Variants in JMJD1C observed in about 807,000 individuals in gnomAD.
JMJD1C encodes jumonji domain containing 1C.
Under a neutral mutation model 245.3 loss-of-function variants are expected in JMJD1C, and 31 were observed. The ratio of observed to expected loss-of-function variants is 0.13; its 90% CI spans 0.09 to 0.17. The LOEUF is 0.17. JMJD1C is among the 10% of genes least tolerant of loss of function. JMJD1C has a pLI of 1.00. For missense variants in JMJD1C, 2,691 were observed against 3,000.2 expected, an observed-to-expected ratio of 0.90 and a Z score of 2.41; for synonymous variants, 1,057 against 1,017.4, an observed-to-expected ratio of 1.04 and a Z score of -0.74.
At chr10:63,349,804 C>T (rs1944193315) in intron 2 of JMJD1C, among the ~76,000 whole-genome samples, 1 of 152,056 alleles carries the variant, frequency 6.6e-6, no homozygotes, top group Non-Finnish European at 1.5e-5. Context: ...AGATAAAATA[C>T]AGAATTGAGG....
At position 63,168,097 on chromosome 10, in the gene JMJD1C, A is replaced by G. The variant is rs1419423156; in HGVS notation, c.7571T>C (p.Val2524Ala). The change falls in exon 26 of 26, where the codon GTG becomes GCG. Residue 2524 changes from valine (V) to alanine (A), a missense_variant. By Grantham distance (64) the Val-to-Ala change is moderately conservative. Coordinates refer to ENST00000399262, the MANE Select transcript of JMJD1C (RefSeq NM_032776.3). ...ATCCTCGTGTATCTTCAAGGCTCTC[A>G]CCATTTCTTTGACTGCATGATACAA... ...NILYHAVKEM[V>A]RALKIHEDEV... 1 of 1,606,368 alleles carries G rather than the reference A, an allele frequency of 6.2e-7. No individual in the cohort carries two copies. The highest frequency in any genetic ancestry group is 1.3e-5 in the African/African-American group (1 of 74,766).
At chr10:63,192,036 C>T (rs567053145) in intron 16 of JMJD1C, among the ~76,000 whole-genome samples, 2 of 134,210 alleles carry the variant, frequency 1.5e-5, no homozygotes, top group East Asian at 4.3e-4. Flanking sequence ...AAAAAGAAGA[C>T]ATAGGTAAGT....
chr10:63,241,520 A>G (rs969320538), intron 3 of JMJD1C, among the ~76,000 whole-genome samples: 1 of 152,226 alleles, frequency 6.6e-6, no homozygotes, highest in African/African-American at 2.4e-5. Flanking sequence ...TTTCACTCCA[A>G]GCTTAATCAG....
chr10:63,436,215 T>C (rs1951052491), intron 1 of JMJD1C, among the ~76,000 whole-genome samples: 1 of 152,234 alleles, frequency 6.6e-6, no homozygotes, highest in South Asian at 2.1e-4. Context: ...GTTTCTGTTC[T>C]GTTTCACAAC....
At chr10:63,297,253 GA>G (rs1477366224) in intron 2 of JMJD1C, among the ~76,000 whole-genome samples, 2 of 152,310 alleles carry the variant, frequency 1.3e-5, no homozygotes, top group East Asian at 3.9e-4. Flanking sequence ...GAACTTCCTT[GA>G]TGCCTTTTGG....
rs891614883 is a variant in JMJD1C, at chr10:63,176,598, T to C, written c.7225-125A>G. ...TCTCAGAATCAATGGAACAACTGAA[T>C]GAGCTTCTTCAGTTAAAAAATAACA... On this transcript the variant is annotated intron_variant, in intron 23 of 25. Coordinates refer to ENST00000399262, the MANE Select transcript of JMJD1C (RefSeq NM_032776.3). 4.2e-6 allele frequency: 3 copies of C among 712,690 alleles called. No individual in the cohort carries two copies. The African/African-American group carries it at 5.4e-5, about 13-fold the overall frequency. The allele number at this position is 712,690 out of a possible 1,614,324, so 44.1% of individuals were successfully genotyped here. A position where few individuals can be genotyped will look rare whatever the true frequency, so the allele number is the denominator to read the frequency against.
At chr10:63,495,865 GTTCT>G (rs2133232852) in intron 1 of JMJD1C, among the ~76,000 whole-genome samples, 1 of 151,676 alleles carries the variant, frequency 6.6e-6, no homozygotes, top group South Asian at 2.1e-4. Flanking sequence ...CAGAGGAAAA[GTTCT>G]TTATTTCAAA....
chr10:63,435,854 G>A (rs777914635), intron 1 of JMJD1C, among the ~76,000 whole-genome samples: 1 of 152,162 alleles, frequency 6.6e-6, no homozygotes, highest in African/African-American at 2.4e-5. Context: ...AGCCAAGATC[G>A]CACCACTGCA....
chr10:63,243,901 C>A (rs971058115), intron 3 of JMJD1C, among the ~76,000 whole-genome samples: 4 of 152,102 alleles, frequency 2.6e-5, no homozygotes, highest in African/African-American at 9.7e-5. Flanking sequence ...ATCTGCAGTG[C>A]CCCTCCCAGC....
intron 1 of JMJD1C, among the ~76,000 whole-genome samples, chr10:63,514,943 C>T (rs920792184): frequency 1.3e-5 from 2 of 149,090 alleles, no homozygotes; most frequent in African/African-American, 4.9e-5. Context: ...CATAATAATA[C>T]TAAGTATTTT....
intron 1 of JMJD1C, among the ~76,000 whole-genome samples, chr10:63,453,004 G>A (rs975337247): frequency 1.3e-5 from 2 of 152,156 alleles, no homozygotes; most frequent in East Asian, 1.9e-4. Flanking sequence ...TGAGCTGTGC[G>A]TGGCTCACAC....
intron 2 of JMJD1C, chr10:63,268,687 T>C: frequency 3.1e-6 from 3 of 979,756 alleles, no homozygotes; most frequent in Non-Finnish European, 3.6e-6. Flanking sequence ...TTTTAAAGTA[T>C]CTTTAAATCT....
intron 4 of JMJD1C, among the ~76,000 whole-genome samples, chr10:63,219,224 C>T (rs4626960): frequency 0.99 from 150,047 of 152,318 alleles, 73,940 homozygotes; most frequent in Middle Eastern, 1. Context: ...TCTCTCTTGA[C>T]ACTTAATGGC....
At chr10:63,420,148 T>C (rs1589713407) in intron 1 of JMJD1C, among the ~76,000 whole-genome samples, 1 of 144,620 alleles carries the variant, frequency 6.9e-6, no homozygotes, top group Admixed American at 7.1e-5. Flanking sequence ...AAAAAAAAAA[T>C]CACCCCAGAC....
At chr10:63,380,249 T>TTTG (rs774550122) in intron 2 of JMJD1C, 69 bp downstream of exon 2, 13 of 1,533,400 alleles carry the variant, frequency 8.5e-6, no homozygotes, top group Admixed American at 8.4e-5. Flanking sequence ...TGGCCTTTGT[T>TTTG]TTGTTGTTGT....
At chr10:63,203,828 T>TG in intron 10 of JMJD1C, 1 of 960,388 alleles carries the variant, frequency 1.0e-6, no homozygotes, top group Non-Finnish European at 1.2e-6. Context: ...TATGTAATCA[T>TG]ATTACATAGT....
chr10:63,422,011 A>G (rs1172866766), intron 1 of JMJD1C, among the ~76,000 whole-genome samples: 1 of 152,234 alleles, frequency 6.6e-6, no homozygotes, highest in African/African-American at 2.4e-5. Flanking sequence ...TTCACTTTTT[A>G]AAAGATTAAA....
intron 1 of JMJD1C, among the ~76,000 whole-genome samples, chr10:63,515,094 T>C (rs1452836755): frequency 6.6e-6 from 1 of 152,176 alleles, no homozygotes; most frequent in African/African-American, 2.4e-5. Context: ...TCCACCAGCA[T>C]TTCTCAGGTT....
At chr10:63,294,681 C>T (rs141177027) in intron 2 of JMJD1C, among the ~76,000 whole-genome samples, 2,022 of 152,284 alleles carry the variant, frequency 0.013, 30 homozygotes, top group African/African-American at 0.034. Flanking sequence ...TATATACCCA[C>T]TGCTATCTGT....
Sources: allele counts gnomAD v4.1 joint callset (sites outside exome capture counted in the v4.1 genomes callset), GRCh38; gene constraint gnomAD v4.1.1; transcripts MANE v1.5; gene names NCBI Gene and HGNC (gene_info 2026-07-23, HGNC 2026-07-21).